Variants in NUP210L observed in about 807,000 individuals in gnomAD.
NUP210L encodes the protein nucleoporin 210 like.
In NUP210L, 74 loss-of-function variants were observed where a neutral mutation model predicts 208.5. The ratio of observed to expected loss-of-function variants is 0.35; its 90% CI spans 0.29 to 0.43. The LOEUF is 0.43. NUP210L is among the 20% of genes least tolerant of loss of function. The pLI, the probability that NUP210L is intolerant of heterozygous loss-of-function variation, is 1.00. For missense variants in NUP210L, 1,843 were observed against 2,289.4 expected, an observed-to-expected ratio of 0.81 and a Z score of 3.98; for synonymous variants, 780 against 816.9, an observed-to-expected ratio of 0.95 and a Z score of 0.77.
chr1:154,033,897 A>AT (rs1652390431), intron 27 of NUP210L, among the ~76,000 whole-genome samples: 1 of 151,812 alleles, frequency 6.6e-6, no homozygotes, highest in South Asian at 2.1e-4. Flanking sequence ...ATATCTTTCC[A>AT]TTTTTTGTGT....
chr1:154,140,487 C>T (rs373930029), intron 4 of NUP210L, among the ~76,000 whole-genome samples: 3 of 149,830 alleles, frequency 2.0e-5, no homozygotes, highest in South Asian at 4.2e-4. Context: ...GCCAATATGG[C>T]GAAACCCCAT....
intron 16 of NUP210L, chr1:154,079,061 G>A (rs1030662986): frequency 2.0e-5 from 3 of 152,082 alleles, no homozygotes; most frequent in African/African-American, 7.2e-5. Context: ...AAGGTGGAAG[G>A]ATTGCTTGAG....
At chr1:154,087,149 G>A (rs764379015) in intron 16 of NUP210L, among the ~76,000 whole-genome samples, 2 of 151,866 alleles carry the variant, frequency 1.3e-5, no homozygotes, top group Non-Finnish European at 2.9e-5. Flanking sequence ...GTGAAACCCC[G>A]TTTCTACTAA....
At chr1:154,032,969 A>C (rs1367657087) in intron 27 of NUP210L, among the ~76,000 whole-genome samples, 1 of 150,572 alleles carries the variant, frequency 6.6e-6, no homozygotes, top group African/African-American at 2.4e-5. Flanking sequence ...AAAAGAAAAG[A>C]AAAGAAAAGA....
chr1:154,006,300 G>GA (rs577291940), intron 35 of NUP210L, among the ~76,000 whole-genome samples: 13 of 145,936 alleles, frequency 8.9e-5, no homozygotes, highest in Admixed American at 1.4e-4. Context: ...CTTATTTTTG[G>GA]AAAAAAAAAC....
At chr1:154,114,509 C>T (rs190501082) in intron 12 of NUP210L, among the ~76,000 whole-genome samples, 38 of 152,202 alleles carry the variant, frequency 2.5e-4, no homozygotes, top group East Asian at 1.7e-3. Context: ...ACTTCAGACC[C>T]CTATTTCCAA....
intron 12 of NUP210L, chr1:154,104,565 C>T (rs1020488975): frequency 4.9e-5 from 9 of 184,486 alleles, no homozygotes; most frequent in Non-Finnish European, 7.8e-5. Context: ...TTGCATTCCA[C>T]AATCACTGCA....
chr1:154,069,700 G>A (rs1190110173), intron 17 of NUP210L, among the ~76,000 whole-genome samples: 2 of 152,026 alleles, frequency 1.3e-5, no homozygotes, highest in East Asian at 3.8e-4. Context: ...CCCATTACTG[G>A]GTATATACCC....
At chr1:154,041,058 G>A (rs1190251438) in intron 27 of NUP210L, among the ~76,000 whole-genome samples, 1 of 151,972 alleles carries the variant, frequency 6.6e-6, no homozygotes, top group African/African-American at 2.4e-5. Context: ...TCAACCTCCT[G>A]GGCTCAAGTG....
At chr1:154,035,618 C>T (rs760923595) in intron 27 of NUP210L, among the ~76,000 whole-genome samples, 3 of 151,738 alleles carry the variant, frequency 2.0e-5, no homozygotes, top group Non-Finnish European at 2.9e-5. Flanking sequence ...ACACTGGTCT[C>T]GAACTCCTGA....
At chr1:154,073,812 CTCAATAAA>C (rs1196440099) in intron 16 of NUP210L, among the ~76,000 whole-genome samples, 2 of 88,730 alleles carry the variant, frequency 2.3e-5, no homozygotes, top group Admixed American at 1.4e-4. Flanking sequence ...GAGACTCTGT[CTCAATAAA>C]TAAATAAATA....
chr1:154,155,017 G>A (rs774578700), exon 1 of NUP210L: 4 of 1,611,560 alleles, frequency 2.5e-6, no homozygotes, highest in Non-Finnish European at 3.4e-6. Context: ...AAGCCTCGGC[G>A]TCTTGATGAC....
intron 7 of NUP210L, among the ~76,000 whole-genome samples, chr1:154,133,278 G>C (rs1444188993): frequency 6.6e-6 from 1 of 152,168 alleles, no homozygotes; most frequent in East Asian, 1.9e-4. Context: ...GGTAAAGACT[G>C]GGTGTGGTGG....
chr1:154,038,907 A>T (rs530053791), intron 27 of NUP210L, among the ~76,000 whole-genome samples: 3 of 152,260 alleles, frequency 2.0e-5, no homozygotes, highest in African/African-American at 7.2e-5. Context: ...AAAACTCTGC[A>T]CTTTATCTCT....
chr1:154,132,233 T>C (rs1259005339), intron 7 of NUP210L, among the ~76,000 whole-genome samples: 2 of 152,250 alleles, frequency 1.3e-5, no homozygotes, highest in African/African-American at 4.8e-5. Flanking sequence ...TCTCACTGTA[T>C]ATAATTTCCC....
chr1:154,062,567 C>CT (rs34499821), intron 17 of NUP210L, among the ~76,000 whole-genome samples: 3,163 of 75,172 alleles, frequency 0.042, 15 homozygotes, highest in Middle Eastern at 0.064. Context: ...TTTCTTTTTC[C>CT]TTTTTTTTTT....
At chr1:154,118,311 GA>G (rs959510092) in intron 11 of NUP210L, among the ~76,000 whole-genome samples, 27 of 148,542 alleles carry the variant, frequency 1.8e-4, no homozygotes, top group Non-Finnish European at 2.8e-4. Flanking sequence ...CTCTGTCTCA[GA>G]AAAAAAAAGA....
intron 12 of NUP210L, among the ~76,000 whole-genome samples, chr1:154,110,997 T>C (rs1193693581): frequency 6.8e-6 from 1 of 147,180 alleles, no homozygotes; most frequent in Non-Finnish European, 1.5e-5. Flanking sequence ...ATCAACAAAA[T>C]GAAGAGTTGG....
At chr1:154,140,527 C>T (rs1024363193) in intron 4 of NUP210L, among the ~76,000 whole-genome samples, 3 of 150,970 alleles carry the variant, frequency 2.0e-5, no homozygotes, top group Non-Finnish European at 4.4e-5. Flanking sequence ...ATTAGCTGGG[C>T]GTGGTGGCAG....
Sources: gnomAD v4.1 joint callset for allele counts (sites outside exome capture counted in the v4.1 genomes callset) on GRCh38, gnomAD v4.1.1 for gene constraint, MANE v1.5 for transcripts, NCBI Gene and HGNC (gene_info 2026-07-23, HGNC 2026-07-21) for gene names.